Variants in STK3 observed in about 807,000 individuals in gnomAD.
The protein encoded by STK3 is serine/threonine kinase 3.
A neutral mutation model predicts 58.0 loss-of-function variants in STK3; 41 were observed. That is an observed-to-expected ratio of 0.71 (90% CI 0.55 to 0.92). The LOEUF is 0.92. STK3 is among the 40% of genes least tolerant of loss of function. The pLI, the probability that STK3 is intolerant of heterozygous loss-of-function variation, is 0.00. For synonymous variants in STK3, 170 were observed against 191.0 expected (o/e 0.89, Z 0.91); for missense variants, 479 against 602.7 (o/e 0.79, Z 2.15).
At chr8:98,573,516 G>A (rs955772286) in intron 8 of STK3, among the ~76,000 whole-genome samples, 5 of 151,914 alleles carry the variant, frequency 3.3e-5, no homozygotes, top group Non-Finnish European at 7.4e-5. Context: ...CCCATGACGC[G>A]TGAGGAATAA....
the STK3 span, among the ~76,000 whole-genome samples, chr8:98,351,236 C>T: frequency 4.6e-5 from 7 of 152,106 alleles, no homozygotes; most frequent in African/African-American, 1.2e-4. Flanking sequence ...GAGAGAGATT[C>T]GTGTAGAGCA....
At chr8:98,810,024 A>G (rs567238309) in intron 1 of STK3, among the ~76,000 whole-genome samples, 6 of 152,302 alleles carry the variant, frequency 3.9e-5, no homozygotes, top group African/African-American at 1.4e-4. Flanking sequence ...AAGGGGGAGT[A>G]GCACTTCACA....
chr8:98,659,594 C>G (rs1175981644), intron 6 of STK3, among the ~76,000 whole-genome samples: 3 of 151,456 alleles, frequency 2.0e-5, no homozygotes, highest in Admixed American at 6.6e-5. Context: ...GCATTAGGTG[C>G]TATAATTTGA....
At chr8:98,415,235 G>A (rs910457004) in intron 3 of STK3, among the ~76,000 whole-genome samples, 7 of 152,148 alleles carry the variant, frequency 4.6e-5, no homozygotes, top group Non-Finnish European at 7.3e-5. Flanking sequence ...CTTGAACTGG[G>A]ACCTCCCAGC....
chr8:98,804,273 A>AT (rs1833770080), intron 1 of STK3, among the ~76,000 whole-genome samples: 1 of 152,222 alleles, frequency 6.6e-6, no homozygotes, highest in Admixed American at 6.5e-5. Flanking sequence ...AAGTGCTGGG[A>AT]TTACAGGCGT....
chr8:98,429,482 C>A, intron 3 of STK3: 3 of 1,142,136 alleles, frequency 2.6e-6, no homozygotes, highest in Non-Finnish European at 3.9e-6. Flanking sequence ...ACAGCCCAGG[C>A]ACCTTATGGT....
At chr8:98,827,612 C>T, upstream of STK3, among the ~76,000 whole-genome samples, 1 of 152,070 alleles carries the variant, frequency 6.6e-6, no homozygotes, top group Non-Finnish European at 1.5e-5. Flanking sequence ...ATTTTAAGAC[C>T]ATTCATTTTT....
intron 4 of STK3, among the ~76,000 whole-genome samples, chr8:98,720,022 T>C (rs1827285770): frequency 6.6e-6 from 1 of 152,236 alleles, no homozygotes; most frequent in Non-Finnish European, 1.5e-5. Context: ...AGTACATGAA[T>C]AGAGCTTAAT....
chr8:98,706,121 T>C (rs1180428223), intron 6 of STK3, among the ~76,000 whole-genome samples: 2 of 150,682 alleles, frequency 1.3e-5, no homozygotes, highest in South Asian at 4.2e-4. Context: ...AAATGATTAC[T>C]TCCAACTCTT....
intron 6 of STK3, among the ~76,000 whole-genome samples, chr8:98,686,924 G>A (rs1824043074): frequency 6.6e-6 from 1 of 152,074 alleles, no homozygotes; most frequent in Non-Finnish European, 1.5e-5. Context: ...AGAAATATGA[G>A]ATTATATAAA....
chr8:98,782,711 TAA>T (rs376476007), intron 1 of STK3: 35 of 116,916 alleles, frequency 3.0e-4, no homozygotes, highest in African/African-American at 7.8e-4. Context: ...CTTTATCTGC[TAA>T]AAAAAAAAAA....
intron 8 of STK3, among the ~76,000 whole-genome samples, chr8:98,576,309 A>G (rs775922297): frequency 6.6e-6 from 1 of 152,210 alleles, no homozygotes; most frequent in Non-Finnish European, 1.5e-5. Flanking sequence ...GCAGTTTCAT[A>G]TTAAGTTTTG....
intron 6 of STK3, among the ~76,000 whole-genome samples, chr8:98,615,483 G>A (rs1301216599): frequency 4.1e-4 from 62 of 149,446 alleles, no homozygotes; most frequent in African/African-American, 1.4e-3. Context: ...CGAGCTGAGA[G>A]AAGAAGGTTT....
intron 6 of STK3, among the ~76,000 whole-genome samples, chr8:98,652,097 C>T (rs539873052): frequency 1.3e-5 from 2 of 152,234 alleles, no homozygotes; most frequent in South Asian, 4.1e-4. Context: ...GTCAAGTTAC[C>T]CACAAAGGGA....
chr8:98,761,899 T>C (rs535901167), intron 3 of STK3, among the ~76,000 whole-genome samples: 3 of 152,118 alleles, frequency 2.0e-5, no homozygotes, highest in African/African-American at 4.8e-5. Flanking sequence ...CATGAGGAAA[T>C]AGAACAGGTA....
At chr8:98,386,852 C>T (rs973545017) in intron 1 of STK3, among the ~76,000 whole-genome samples, 1 of 151,992 alleles carries the variant, frequency 6.6e-6, no homozygotes, top group Non-Finnish European at 1.5e-5. Context: ...TGGTGGTGCG[C>T]AAGGCTGAGG....
In STK3 at chr8:98,714,961, C is replaced by T. The variant is rs556380843; in HGVS notation, c.352-7650G>A. 7.9e-5 allele frequency among the ~76,000 whole-genome samples: 12 copies of T among 152,096 alleles called. No homozygotes were observed. In the East Asian group the frequency reaches 2.1e-3, roughly 27 times the overall value. On this transcript the variant is annotated intron_variant, in intron 4 of 10. Coordinates refer to ENST00000419617, the MANE Select transcript of STK3 (RefSeq NM_006281.4). Reference sequence around the variant, plus strand: ...ACAGACCAATGGAACAGAACAGAGCCCTCAGAAATAATGCCGCATATCTAC... The same window carrying T: ...ACAGACCAATGGAACAGAACAGAGCTCTCAGAAATAATGCCGCATATCTAC...
chr8:98,880,501 G>A (rs1355408164), downstream of STK3: 1 of 152,114 alleles, frequency 6.6e-6, no homozygotes, highest in African/African-American at 2.4e-5. Flanking sequence ...ATCATAAAAG[G>A]CATAGTATTC....
intron 3 of STK3, among the ~76,000 whole-genome samples, chr8:98,854,513 CAAAT>C (rs1391793299): frequency 6.6e-6 from 1 of 151,964 alleles, no homozygotes; most frequent in African/African-American, 2.4e-5. Flanking sequence ...TTACAGTTAA[CAAAT>C]GAATTCAGCA....
Sources: allele counts gnomAD v4.1 joint callset (sites outside exome capture counted in the v4.1 genomes callset), GRCh38; gene constraint gnomAD v4.1.1; transcripts MANE v1.5; gene names NCBI Gene and HGNC (gene_info 2026-07-23, HGNC 2026-07-21).